SMAD1: variants seen among roughly 807,000 people sequenced by gnomAD.
SMAD1 encodes the protein SMAD family member 1.
In SMAD1, 6 loss-of-function variants were observed where a neutral mutation model predicts 41.6. The observed-to-expected ratio is 0.14, with a 90% CI of 0.08 to 0.28. The LOEUF (loss-of-function observed/expected upper bound fraction) is 0.28. SMAD1 is among the 10% of genes least tolerant of loss of function. The pLI is 1.00. For synonymous variants in SMAD1, 206 were observed against 203.2 expected (o/e 1.01, Z -0.12); for missense variants, 379 against 582.6 (o/e 0.65, Z 3.60).
At chr4:145,552,871 T>G (rs894133218) in intron 5 of SMAD1, among the ~76,000 whole-genome samples, 3 of 151,648 alleles carry the variant, frequency 2.0e-5, no homozygotes, top group African/African-American at 7.3e-5. Context: ...CATTAATCAC[T>G]TACCAAAATG....
chr4:145,537,208 A>T (rs1731659777), intron 2 of SMAD1, among the ~76,000 whole-genome samples: 1 of 152,210 alleles, frequency 6.6e-6, no homozygotes, highest in South Asian at 2.1e-4. Context: ...TATATTAGAT[A>T]AAATCATCAA....
chr4:145,513,914 T>A lies in SMAD1; in HGVS notation c.-176-524T>A, dbSNP rs142247470. Among the ~76,000 whole-genome samples the A allele has an allele frequency of 3.7e-3, 567 of 152,356 alleles. 3 individuals are homozygous for A. Among genetic ancestry groups the A allele is most frequent in the African/African-American group, 0.013 (535 of 41,584 alleles). ...CTCATCTGTAAAGTGGCAGCAATTG[T>A]ATTACCTAACTCAAAGGATTGTGAA... is the stretch of plus-strand genomic sequence containing the variant. On this transcript the variant is annotated intron_variant, in intron 1 of 6. Transcript: ENST00000302085.
At chr4:145,548,319 C>T (rs574182726) in intron 5 of SMAD1, among the ~76,000 whole-genome samples, 35 of 152,188 alleles carry the variant, frequency 2.3e-4, no homozygotes, top group African/African-American at 8.0e-4. Flanking sequence ...ACCTCCACCT[C>T]CCAGGTTCAA....
intron 4 of SMAD1, 122 bp from the exon 5 acceptor site, chr4:145,546,581 T>G (rs1272179637): frequency 2.7e-6 from 2 of 732,834 alleles, no homozygotes; most frequent in Non-Finnish European, 5.0e-6. Context: ...GTATACATTA[T>G]AATAGCAATT....
chr4:145,521,450 GGCATTA>G (rs1159962561), intron 2 of SMAD1, among the ~76,000 whole-genome samples: 1 of 152,090 alleles, frequency 6.6e-6, no homozygotes, highest in African/African-American at 2.4e-5. Flanking sequence ...TGATCTTTAA[GGCATTA>G]GCTTCCAGGT....
rs1478758264 is a variant in SMAD1, at chr4:145,511,577, T to C, written c.-176-2861T>C. ...CATATATATTTTTTTAATTCCATAT[T>C]TTTAACCCATCTATTAGCTTGTTAT... On this transcript the variant is annotated intron_variant, in intron 1 of 6. Transcript: ENST00000302085. Among the ~76,000 whole-genome samples, 5 of 152,210 alleles carry C rather than the reference T, an allele frequency of 3.3e-5. No individual in the cohort carries two copies. The East Asian group carries it at 9.6e-4, about 29-fold the overall frequency.
intron 1 of SMAD1, among the ~76,000 whole-genome samples, chr4:145,496,697 G>A (rs1458318365): frequency 6.6e-6 from 1 of 152,068 alleles, no homozygotes; most frequent in East Asian, 1.9e-4. Flanking sequence ...AAGGATTTTG[G>A]TATTGGGTGG....
intron 4 of SMAD1, chr4:145,546,283 A>G (rs1230036893): frequency 5.8e-6 from 1 of 172,446 alleles, no homozygotes; most frequent in Admixed American, 5.5e-5. Flanking sequence ...TACCTTTGGC[A>G]TATTTTCAGT....
At chr4:145,522,669 TTG>T (rs1224243093) in intron 2 of SMAD1, among the ~76,000 whole-genome samples, 2 of 151,834 alleles carry the variant, frequency 1.3e-5, no homozygotes, top group Non-Finnish European at 2.9e-5. Context: ...TTGTTTTGTT[TTG>T]TTTTGTTTTT....
intron 1 of SMAD1, among the ~76,000 whole-genome samples, chr4:145,488,034 A>T (rs1271822396): frequency 1.3e-5 from 2 of 152,190 alleles, no homozygotes; most frequent in East Asian, 1.9e-4. Context: ...TTGAAAATAA[A>T]GCATTAAATT....
intron 2 of SMAD1, among the ~76,000 whole-genome samples, chr4:145,535,841 C>A (rs1212275227): frequency 6.6e-6 from 1 of 151,678 alleles, no homozygotes; most frequent in Admixed American, 6.6e-5. Context: ...GCGCAAATAG[C>A]AACAGATATA....
At chr4:145,519,285 G>A (rs1578781334) in intron 2 of SMAD1, among the ~76,000 whole-genome samples, 1 of 69,574 alleles carries the variant, frequency 1.4e-5, no homozygotes, top group Admixed American at 1.2e-4. Flanking sequence ...TAGTAAAGAT[G>A]GGGTTTTACC....
intron 1 of SMAD1, among the ~76,000 whole-genome samples, chr4:145,503,507 T>G (rs981692275): frequency 6.6e-6 from 1 of 152,150 alleles, no homozygotes; most frequent in Non-Finnish European, 1.5e-5. Flanking sequence ...TTTTGCTTAG[T>G]GGTGAGTTTT....
At chr4:145,546,444 C>A in intron 4 of SMAD1, 1 of 461,788 alleles carries the variant, frequency 2.2e-6, no homozygotes. Flanking sequence ...TTTTGCTGTG[C>A]TTCCTTAGCT....
chr4:145,489,970 G>A (rs1465632945), intron 1 of SMAD1, among the ~76,000 whole-genome samples: 1 of 152,170 alleles, frequency 6.6e-6, no homozygotes, highest in Non-Finnish European at 1.5e-5. Context: ...AAACCAGGAA[G>A]CCACTGGAAG....
chr4:145,521,848 T>G (rs1192888324), intron 2 of SMAD1, among the ~76,000 whole-genome samples: 1 of 151,654 alleles, frequency 6.6e-6, no homozygotes, highest in Non-Finnish European at 1.5e-5. Flanking sequence ...TCTGTTATCC[T>G]TAAAACTGCA....
chr4:145,525,271 T>G (rs547844101), intron 2 of SMAD1, among the ~76,000 whole-genome samples: 2 of 152,344 alleles, frequency 1.3e-5, no homozygotes, highest in Non-Finnish European at 2.9e-5. Context: ...ATGAAAATGT[T>G]CTCCGGAAAG....
chr4:145,517,688 A>T (rs1038738356), intron 2 of SMAD1, among the ~76,000 whole-genome samples: 1 of 70,070 alleles, frequency 1.4e-5, no homozygotes, highest in African/African-American at 3.2e-5. Context: ...TTTTCAGTTT[A>T]TCTATACCTT....
At chr4:145,555,307 A>G (rs1732777205) in intron 6 of SMAD1, among the ~76,000 whole-genome samples, 1 of 152,156 alleles carries the variant, frequency 6.6e-6, no homozygotes, top group Non-Finnish European at 1.5e-5. Flanking sequence ...AAATAAGAAC[A>G]GTGACCTGCC....
Sources: gnomAD v4.1 joint callset for allele counts (sites outside exome capture counted in the v4.1 genomes callset) on GRCh38, gnomAD v4.1.1 for gene constraint, MANE v1.5 for transcripts, NCBI Gene and HGNC (gene_info 2026-07-23, HGNC 2026-07-21) for gene names.